Variants in CTRB2 observed in about 807,000 individuals in gnomAD.
CTRB2 encodes the protein chymotrypsinogen B2, also known as chymotrypsin B2.
In CTRB2, 9 loss-of-function variants were observed where a neutral mutation model predicts 19.3. That is an observed-to-expected ratio of 0.47 (90% CI 0.28 to 0.81). The LOEUF is 0.81. Among genes scored for constraint, CTRB2 ranks in the 40% least tolerant of loss-of-function variants. The pLI is 0.11. For synonymous variants in CTRB2, 98 were observed against 117.3 expected, an observed-to-expected ratio of 0.84 and a Z score of 1.06; for missense variants, 210 against 269.7, an observed-to-expected ratio of 0.78 and a Z score of 1.55.
intron 1 of CTRB2, 41 bp from the exon 2 acceptor site, chr16:75,206,234 CA>C: frequency 6.5e-7 from 1 of 1,530,024 alleles, no homozygotes; most frequent in Non-Finnish European, 8.8e-7. Flanking sequence ...ACCACCCACC[CA>C]GGTCCTAATG....
intron 1 of CTRB2, chr16:75,206,499 C>G (rs2038894431): frequency 2.1e-6 from 1 of 474,502 alleles, no homozygotes; most frequent in African/African-American, 1.9e-5. Context: ...AGGCCAGACT[C>G]TGTGGGTTTG....
In CTRB2 at chr16:75,205,768, TCTC is replaced by T. The variant is rs1365801797; in HGVS notation, c.286_288del (p.Glu96del). The T allele has an allele frequency of 2.8e-5, 24 of 846,250 alleles. No individual in the cohort carries two copies. Among genetic ancestry groups the T allele is most frequent in the Non-Finnish European group, 4.0e-5 (23 of 571,094 alleles). The allele number at this position is 846,250 out of a possible 1,614,324, so 52.4% of individuals were successfully genotyped here. On this transcript the variant is annotated inframe_deletion, in exon 4 of 7. Transcript: ENST00000303037. ...TTGGCGATCTTCAGGACCTGGATGT[TCTC>T]CTCGTCAGAGCCCTGGTCAAACTCC...
At chr16:75,206,641 G>GA (rs2038896434) in intron 1 of CTRB2, 3 of 296,878 alleles carry the variant, frequency 1.0e-5, no homozygotes, top group Non-Finnish European at 1.9e-5. Flanking sequence ...TGGCACCCGG[G>GA]AAGTGCTCCG....
Position 75,204,369 on chromosome 16 carries a change from G to C in CTRB2, c.631-47C>G, listed in dbSNP as rs775446806. 7 of 1,587,668 alleles carry C rather than the reference G, an allele frequency of 4.4e-6. No individual in the cohort carries two copies. The South Asian group carries it at 5.6e-5, about 13-fold the overall frequency. ...TCTCTAGGCCTGAAAGGGGTGCCAG[G>C]GCCTAGGGGACCCTGACCTGGTGGA... On this transcript the variant is annotated intron_variant, in intron 6 of 6. Coordinates refer to ENST00000303037, the MANE Select transcript of CTRB2 (RefSeq NM_001025200.4).
chr16:75,206,482 G>A, intron 1 of CTRB2: 1 of 504,792 alleles, frequency 2.0e-6, no homozygotes. Context: ...CCGGCGCTCA[G>A]TCTGGGAGGC....
At chr16:75,204,471 G>A in intron 6 of CTRB2, 149 bp from the exon 7 acceptor site, 2 of 930,016 alleles carry the variant, frequency 2.2e-6, no homozygotes, top group Non-Finnish European at 3.2e-6. Context: ...GGGTTCACAT[G>A]GCAGCCCCCA....
At chr16:75,207,045 G>A (rs749537108) in intron 1 of CTRB2, 45 bp downstream of exon 1, 4 of 1,532,778 alleles carry the variant, frequency 2.6e-6, no homozygotes, top group East Asian at 4.9e-5. Flanking sequence ...GGGGCTGGGA[G>A]TGAGAGGAGA....
At chr16:75,204,454 G>T in intron 6 of CTRB2, 132 bp from the exon 7 acceptor site, 1 of 989,834 alleles carries the variant, frequency 1.0e-6, no homozygotes, top group Non-Finnish European at 1.5e-6. Flanking sequence ...CCGGGGTCCT[G>T]AGATCTGGGT....
Position 75,204,227 on chromosome 16 carries a change from C to T in CTRB2, c.726G>A (p.Thr242=), listed in dbSNP as rs1461624339. ...SWGSRTCSTT[T]PAVYARVAKL... is the part of the protein sequence containing the mutation. ...TGGCGACACGGGCGTACACAGCGGG[C>T]GTGGTGGTAGAGCAGGTGCGGCTGC... Residue 242 remains threonine (T), a synonymous_variant, in exon 7 of 7, where the codon ACG becomes ACA. Transcript: ENST00000303037. 6.2e-6 allele frequency: 10 copies of T among 1,614,002 alleles called. No homozygotes were observed. Among genetic ancestry groups the T allele is most frequent in the African/African-American group, 4.0e-5 (3 of 74,902 alleles).
intron 6 of CTRB2, 113 bp from the exon 7 acceptor site, chr16:75,204,435 G>A: frequency 1.8e-6 from 2 of 1,099,228 alleles, no homozygotes; most frequent in Non-Finnish European, 1.3e-6. Flanking sequence ...CATGGGCATA[G>A]GGGCTGTGCC....
chr16:75,207,118 G>A lies in CTRB2; in HGVS notation c.24C>T (p.Ser8=), dbSNP rs1297356155. 4 of 1,558,766 alleles carry A rather than the reference G, an allele frequency of 2.6e-6. No homozygotes were observed. Among genetic ancestry groups the A allele is most frequent in the African/African-American group, 1.4e-5 (1 of 74,038 alleles). Reference sequence around the variant, plus strand: ...AGGTGGTACCCAGGAGGGCCCAGCAGGAGAGGAGCCAGAGGAAAGCCATGG... The same window carrying A: ...AGGTGGTACCCAGGAGGGCCCAGCAAGAGAGGAGCCAGAGGAAAGCCATGG... MAFLWLL[S]CWALLGTTFG... Residue 8 remains serine (S), a synonymous_variant, in exon 1 of 7, where the codon TCC becomes TCT. Coordinates refer to ENST00000303037, the MANE Select transcript of CTRB2 (RefSeq NM_001025200.4).
In CTRB2 at chr16:75,204,173, C is replaced by A. The variant is rs1293285508; in HGVS notation, c.780G>T (p.Leu260=). 1.2e-6 allele frequency: 2 copies of A among 1,614,116 alleles called. No individual in the cohort carries two copies. The change falls in exon 7 of 7, where the codon CTG becomes CTT. Residue 260 remains leucine (L), a synonymous_variant. Coordinates refer to ENST00000303037, the MANE Select transcript of CTRB2 (RefSeq NM_001025200.4). ...AKLIPWVQKI[L]AAN ...AGGAGCTGCGGGCTCAGTTGGCGGC[C>A]AGGATCTTCTGCACCCAGGGTATGA...
intron 1 of CTRB2, chr16:75,206,822 C>G (rs939508443): frequency 8.1e-6 from 4 of 493,786 alleles, no homozygotes; most frequent in South Asian, 2.0e-5. Context: ...CTCCTCCCCC[C>G]GCCTCCTCCC....
rs770698393 is a variant in CTRB2, at chr16:75,207,084, A to C, written c.52+6T>G. On this transcript the variant is annotated splice_donor_region_variant and intron_variant, in intron 1 of 6. Transcript: ENST00000303037. ...CCCTTCGGCCTCCGCAGGGCCTGGC[A>C]CTCACCGAAGGTGGTACCCAGGAGG... 5.8e-6 allele frequency: 9 copies of C among 1,553,944 alleles called. No individual in the cohort carries two copies. The highest frequency in any genetic ancestry group is 7.8e-6 in the Non-Finnish European group (9 of 1,147,972).
chr16:75,204,537 G>A (rs997521919), intron 6 of CTRB2, among the ~76,000 whole-genome samples: 1 of 152,126 alleles, frequency 6.6e-6, no homozygotes, highest in Non-Finnish European at 1.5e-5. Context: ...CTCTAAGCCG[G>A]GGCACCATCC....
rs1358591355 is a variant in CTRB2, at chr16:75,204,850, C to T, written c.553G>A (p.Glu185Lys). ...QAALPLLSNA[E>K]CKKSWGRRIT... ...CTCCTGCCCCAGGACTTCTTGCATT[C>T]GGCATTGGACAGGAGGGGCAGGGCT... Residue 185 changes from glutamate to lysine, a missense_variant, in exon 6 of 7, where the codon GAA (glutamate) becomes AAA (lysine). By Grantham distance (56) the Glu-to-Lys change is moderately conservative (BLOSUM62 1). This residue lies in a region of CTRB2 where 27 missense variants were observed against 42.5 expected (regional missense o/e 0.64). Coordinates refer to ENST00000303037, the MANE Select transcript of CTRB2 (RefSeq NM_001025200.4). The T allele has an allele frequency of 6.0e-5, 79 of 1,308,086 alleles. 3 individuals are homozygous for T. The highest frequency in any genetic ancestry group is 2.5e-4 in the Middle Eastern group (1 of 3,988). 81.0% of individuals were successfully genotyped at this position (1,308,086 alleles called of 1,614,324 possible). A position where few individuals can be genotyped will look rare whatever the true frequency, so the allele number is the denominator to read the frequency against.
At position 75,204,252 on chromosome 16, in the gene CTRB2, C is replaced by T. The variant is rs768405626; in HGVS notation, c.701G>A (p.Gly234Asp). Residue 234 changes from glycine (G) to aspartate (D), a missense_variant, in exon 7 of 7, where the codon GGC (glycine) becomes GAC (aspartate). Physicochemically the swap from Gly to Asp is moderately conservative, Grantham distance 94 (BLOSUM62 -1). Around this residue, in one of 4 missense-constraint regions of CTRB2, gnomAD observed 120 missense variants for 90.8 expected, o/e 1.32. Coordinates refer to ENST00000303037, the MANE Select transcript of CTRB2 (RefSeq NM_001025200.4). ...CGTGGTGGTAGAGCAGGTGCGGCTG[C>T]CCCAGGACACAATGCCCACCAGGGT... ...AWTLVGIVSW[G>D]SRTCSTTTPA... 1.2e-6 allele frequency: 2 copies of T among 1,614,012 alleles called. No homozygotes were observed. Among genetic ancestry groups the T allele is most frequent in the South Asian group, 1.1e-5 (1 of 91,078 alleles).
intron 1 of CTRB2, chr16:75,206,478 C>A (rs2038893999): frequency 1.9e-6 from 1 of 512,940 alleles, no homozygotes; most frequent in South Asian, 2.9e-5. Flanking sequence ...AGCCCCGGCG[C>A]TCAGTCTGGG....
In CTRB2 at chr16:75,204,233, G is replaced by A; in HGVS notation, c.720C>T (p.Thr240=). Residue 240 remains threonine, a synonymous_variant, in exon 7 of 7, where the codon ACC becomes ACT. Coordinates refer to ENST00000303037, the MANE Select transcript of CTRB2 (RefSeq NM_001025200.4). ...CACGGGCGTACACAGCGGGCGTGGT[G>A]GTAGAGCAGGTGCGGCTGCCCCAGG... ...IVSWGSRTCS[T]TTPAVYARVA... 1.2e-6 allele frequency: 2 copies of A among 1,614,134 alleles called. No homozygotes were observed. Among genetic ancestry groups the A allele is most frequent in the South Asian group, 1.1e-5 (1 of 91,078 alleles).
Sources: allele counts gnomAD v4.1 joint callset (sites outside exome capture counted in the v4.1 genomes callset), GRCh38; gene constraint gnomAD v4.1.1; regional missense constraint gnomAD v4.1.1; transcripts MANE v1.5; gene names NCBI Gene and HGNC (gene_info 2026-07-23, HGNC 2026-07-21).